The following ROPN1B variants were observed in gnomAD, a reference collection of about 807,000 sequenced individuals.
ROPN1B encodes the protein ropporin-1B.
Under a neutral mutation model 23.7 loss-of-function variants are expected in ROPN1B, and 13 were observed. The ratio of observed to expected loss-of-function variants is 0.55; its 90% CI spans 0.36 to 0.87. The LOEUF (loss-of-function observed/expected upper bound fraction) is 0.87. Ranked by LOEUF, ROPN1B falls within the 40% of genes least tolerant of loss-of-function variation. The pLI is 0.01. For synonymous variants in ROPN1B, 67 were observed against 100.4 expected (o/e 0.67, Z 1.99); for missense variants, 183 against 249.2 (o/e 0.73, Z 1.79).
chr3:125,978,474 A>G (rs1938499464), intron 5 of ROPN1B, among the ~76,000 whole-genome samples: 1 of 152,190 alleles, frequency 6.6e-6, no homozygotes, highest in South Asian at 2.1e-4. Context: ...GAAACAGCCT[A>G]AAGGTACATT....
rs1329365481 is a variant in ROPN1B at position 125,973,318 on chromosome 3, T to A, written c.116+1148T>A. 26 of 300,292 alleles carry A rather than the reference T, an allele frequency of 8.7e-5. No individual in the cohort carries two copies. The East Asian group carries it at 1.4e-3, about 16-fold the overall frequency. 18.6% of individuals were successfully genotyped at this position (300,292 alleles called of 1,614,324 possible). A position where few individuals can be genotyped will look rare whatever the true frequency, so the allele number is the denominator to read the frequency against. On this transcript the variant is annotated intron_variant, in intron 3 of 6. Transcript: ENST00000514116. ...CTCTGGGCCAGTGTTGTGCTCCTGG[T>A]CTGGATTAGGATGCAGCTTTTACAA...
At chr3:125,970,204 G>A (rs1329132409) in intron 1 of ROPN1B, 1 of 151,858 alleles carries the variant, frequency 6.6e-6, no homozygotes, top group Non-Finnish European at 1.5e-5. Context: ...GGTAATCAGG[G>A]AAGGTTAAGC....
chr3:125,974,077 G>A (rs368967559), intron 3 of ROPN1B, among the ~76,000 whole-genome samples: 3 of 152,286 alleles, frequency 2.0e-5, no homozygotes, highest in Middle Eastern at 6.8e-3. Flanking sequence ...TTGCTTCCAT[G>A]TTGTCTAACC....
At chr3:125,982,515 T>A in intron 6 of ROPN1B, 70 bp downstream of exon 6, 1 of 1,324,288 alleles carries the variant, frequency 7.6e-7, no homozygotes, top group Non-Finnish European at 1.0e-6. Flanking sequence ...CAAGACAGAG[T>A]GAGATTATTG....
chr3:125,982,001 A>C (rs1213180592), intron 5 of ROPN1B, among the ~76,000 whole-genome samples: 2 of 152,202 alleles, frequency 1.3e-5, no homozygotes, highest in Admixed American at 6.5e-5. Flanking sequence ...TAAAGTAACA[A>C]ATATCTTAAA....
At chr3:125,973,047 G>C (rs905548370) in intron 3 of ROPN1B, 21 of 364,788 alleles carry the variant, frequency 5.8e-5, no homozygotes, top group African/African-American at 4.5e-4. Context: ...TGAGACAGGA[G>C]TTGGAAGATA....
intron 5 of ROPN1B, among the ~76,000 whole-genome samples, chr3:125,979,502 A>G (rs1938537457): frequency 6.6e-6 from 1 of 152,166 alleles, no homozygotes; most frequent in African/African-American, 2.4e-5. Context: ...GGACACATAG[A>G]AGGCATCATT....
intron 5 of ROPN1B, among the ~76,000 whole-genome samples, chr3:125,980,107 T>C (rs115532039): frequency 1.3e-5 from 2 of 152,352 alleles, no homozygotes; most frequent in South Asian, 2.1e-4. Flanking sequence ...GCTCGCAAGA[T>C]GTTTAAAGAC....
intron 5 of ROPN1B, among the ~76,000 whole-genome samples, chr3:125,980,338 C>G (rs1938569418): frequency 6.6e-6 from 1 of 152,000 alleles, no homozygotes. Context: ...GTTGAAAGCC[C>G]CTATGTTAGT....
At chr3:125,972,350 G>A (rs377387263) in intron 3 of ROPN1B, 180 bp downstream of exon 3, 160 of 637,018 alleles carry the variant, frequency 2.5e-4, no homozygotes, top group African/African-American at 1.9e-3. Context: ...ACATCTAGCC[G>A]GGCAAGGATG....
intron 3 of ROPN1B, 92 bp downstream of exon 3, chr3:125,972,262 G>T: frequency 2.4e-6 from 3 of 1,234,674 alleles, no homozygotes; most frequent in Non-Finnish European, 3.5e-6. Flanking sequence ...CTGCAGCCAG[G>T]GGGTCGGGAC....
intron 3 of ROPN1B, chr3:125,972,531 C>T: frequency 4.2e-6 from 2 of 481,590 alleles, no homozygotes; most frequent in Non-Finnish European, 7.3e-6. Flanking sequence ...GGAATCTCCG[C>T]AGCTTAATCT....
chr3:125,972,040 T>C lies in ROPN1B; in HGVS notation c.-12-3T>C, dbSNP rs1210528971. On this transcript the variant is annotated splice_region_variant and splice_polypyrimidine_tract_variant and intron_variant, in intron 2 of 6. Transcript: ENST00000514116. ...TCTTATGTATTTTTTCTCCTGAGAA[T>C]AGGTCAACCAATCAATGGCTCAGAC... 1 of 1,613,300 alleles carries C rather than the reference T, an allele frequency of 6.2e-7. No individual in the cohort carries two copies. The highest frequency in any genetic ancestry group is 2.2e-5 in the East Asian group (1 of 44,844).
chr3:125,970,753 T>A (rs1356909844), intron 1 of ROPN1B, among the ~76,000 whole-genome samples: 3 of 152,228 alleles, frequency 2.0e-5, no homozygotes, highest in Admixed American at 6.5e-5. Context: ...TTATCATCCT[T>A]TTCCTCCAAA....
At position 125,975,688 on chromosome 3, in the gene ROPN1B, C is replaced by A. The variant is rs1202023091; in HGVS notation, c.234+8C>A. 5 of 1,606,810 alleles carry A rather than the reference C, an allele frequency of 3.1e-6. No individual in the cohort carries two copies. Among genetic ancestry groups the A allele is most frequent in the African/African-American group, 1.3e-5 (1 of 74,712 alleles). ...AAGATCCTGCATTCTCAGGTAAGGGCCCTGCTGCAGCATTGAGGAGAATGT... is the reference window on the plus strand; with the variant it reads ...AAGATCCTGCATTCTCAGGTAAGGGACCTGCTGCAGCATTGAGGAGAATGT... On this transcript the variant is annotated splice_region_variant and intron_variant, in intron 4 of 6. Coordinates refer to ENST00000514116, the MANE Select transcript of ROPN1B (RefSeq NM_001308313.2).
At chr3:125,980,726 G>C (rs1938583392) in intron 5 of ROPN1B, among the ~76,000 whole-genome samples, 1 of 151,890 alleles carries the variant, frequency 6.6e-6, no homozygotes, top group Admixed American at 6.6e-5. Flanking sequence ...CAAAGCATTA[G>C]GGGTGCAGAG....
At chr3:125,978,981 T>C (rs1337617034) in intron 5 of ROPN1B, among the ~76,000 whole-genome samples, 1 of 152,218 alleles carries the variant, frequency 6.6e-6, no homozygotes, top group Non-Finnish European at 1.5e-5. Context: ...ATGAGGTGAA[T>C]TGGATCTTTC....
intron 1 of ROPN1B, among the ~76,000 whole-genome samples, chr3:125,970,465 T>A (rs1938156726): frequency 6.6e-6 from 1 of 152,088 alleles, no homozygotes; most frequent in Non-Finnish European, 1.5e-5. Context: ...AAGTGAGAAA[T>A]CCCTGAAACA....
At chr3:125,981,758 A>T (rs1045822983) in intron 5 of ROPN1B, among the ~76,000 whole-genome samples, 1 of 152,190 alleles carries the variant, frequency 6.6e-6, no homozygotes, top group Non-Finnish European at 1.5e-5. Flanking sequence ...GATGCTTTGG[A>T]GGAAGGTTTA....
Sources: gnomAD v4.1 joint callset for allele counts (sites outside exome capture counted in the v4.1 genomes callset) on GRCh38, gnomAD v4.1.1 for gene constraint, MANE v1.5 for transcripts, NCBI Gene and HGNC (gene_info 2026-07-23, HGNC 2026-07-21) for gene names.